The following HHLA2 variants were observed in gnomAD, a reference collection of about 807,000 sequenced individuals.
HHLA2 encodes HHLA2 member of B7 family, also known as HERV-H LTR-associating protein 2.
Under a neutral mutation model 45.9 loss-of-function variants are expected in HHLA2, and 48 were observed. The ratio of observed to expected loss-of-function variants is 1.05; its 90% CI spans 0.83 to 1.33. HHLA2 has a LOEUF of 1.33. Ranked by LOEUF, HHLA2 falls within the 40% of genes most tolerant of loss-of-function variation. HHLA2 has a pLI of 0.00. For missense variants in HHLA2, 462 were observed against 494.3 expected (o/e 0.93, Z 0.62); for synonymous variants, 161 against 173.9 (o/e 0.93, Z 0.59).
At chr3:108,369,389 C>T (rs138113641) in intron 8 of HHLA2, among the ~76,000 whole-genome samples, 76 of 152,252 alleles carry the variant, frequency 5.0e-4, no homozygotes, top group African/African-American at 1.7e-3. Context: ...GCGTGAGCGA[C>T]GCAGAAGACG....
Position 108,362,463 on chromosome 3 carries a change from G to A in HHLA2, c.1108+17G>A. The A allele has an allele frequency of 6.5e-7, 1 of 1,538,336 alleles. No homozygotes were observed. Among genetic ancestry groups the A allele is most frequent in the African/African-American group, 1.4e-5 (1 of 73,634 alleles). ...GTTGCAGAGGTAATAGAAGAATTTG[G>A]GCTCTGCCCCACGTGTTCCACATCA... is the stretch of plus-strand genomic sequence containing the variant. On this transcript the variant is annotated intron_variant, in intron 8 of 10. Transcript: ENST00000619531.
chr3:108,351,701 C>A, intron 3 of HHLA2, 87 bp from the exon 3 acceptor site: 1 of 749,992 alleles, frequency 1.3e-6, no homozygotes, highest in Non-Finnish European at 2.2e-6. Flanking sequence ...GGCCACAAAA[C>A]AATTATTTGT....
At chr3:108,318,180 C>CA (rs55796552) in intron 2 of HHLA2, among the ~76,000 whole-genome samples, 6,210 of 122,306 alleles carry the variant, frequency 0.051, 282 homozygotes, top group African/African-American at 0.13. Context: ...GACTCCATCT[C>CA]AAAAAAAAAA....
chr3:108,340,618 T>C (rs2081548048), intron 3 of HHLA2, among the ~76,000 whole-genome samples: 1 of 152,202 alleles, frequency 6.6e-6, no homozygotes, highest in African/African-American at 2.4e-5. Context: ...TGAAAGTCTA[T>C]ATACCAAATT....
chr3:108,328,149 T>C, intron 2 of HHLA2: 1 of 504,712 alleles, frequency 2.0e-6, no homozygotes, highest in Non-Finnish European at 3.4e-6. Flanking sequence ...AAAAAAAAAG[T>C]TGTAGAAGTA....
Position 108,304,694 on chromosome 3 carries a change from A to C in HHLA2, c.-191-5961A>C, listed in dbSNP as rs148568342. 6.6e-5 allele frequency among the ~76,000 whole-genome samples: 10 copies of C among 152,356 alleles called. No homozygotes were observed. In the East Asian group the frequency reaches 1.9e-3, roughly 29 times the overall value. On this transcript the variant is annotated intron_variant, in intron 1 of 10. Transcript: ENST00000619531. ...ACACACCACAAATCTACTGTGTCTGAGAGTGGGCTTCACCTCCCTACTAAT... is the reference window on the plus strand; with the variant it reads ...ACACACCACAAATCTACTGTGTCTGCGAGTGGGCTTCACCTCCCTACTAAT...
At chr3:108,321,324 G>GTATGGGAAAAA (rs1360486694) in intron 2 of HHLA2, among the ~76,000 whole-genome samples, 2 of 152,070 alleles carry the variant, frequency 1.3e-5, no homozygotes, top group Non-Finnish European at 2.9e-5. Context: ...TTTTGGTGGA[G>GTATGGGAAAAA]CACATTTTCC....
At chr3:108,332,857 C>T (rs1004396970) in intron 3 of HHLA2, among the ~76,000 whole-genome samples, 3 of 152,068 alleles carry the variant, frequency 2.0e-5, no homozygotes, top group African/African-American at 7.2e-5. Flanking sequence ...TGTGAGCAAC[C>T]TTAGAATCCT....
At chr3:108,347,669 C>T (rs11720532) in intron 3 of HHLA2, among the ~76,000 whole-genome samples, 28,360 of 152,018 alleles carry the variant, frequency 0.19, 3,115 homozygotes, top group Non-Finnish European at 0.25. Context: ...GGTAACCAGC[C>T]GAATGCGTAT....
chr3:108,324,522 C>T (rs1365131708), intron 2 of HHLA2, among the ~76,000 whole-genome samples: 1 of 152,182 alleles, frequency 6.6e-6, no homozygotes, highest in South Asian at 2.1e-4. Context: ...GGCAATCAAG[C>T]ACTCCTAGGC....
In HHLA2 at chr3:108,316,472, G is replaced by A. The variant is rs545503343; in HGVS notation, c.-105+5731G>A. On this transcript the variant is annotated intron_variant, in intron 2 of 10. Transcript: ENST00000619531. ...AATTTGCTTAAATGTCTCTGGCTTAGAATCCTTCCTTGACTCCCCAGTCTA... is the reference window on the plus strand; with the variant it reads ...AATTTGCTTAAATGTCTCTGGCTTAAAATCCTTCCTTGACTCCCCAGTCTA... Among the ~76,000 whole-genome samples, 4 of 152,296 alleles carry A rather than the reference G, an allele frequency of 2.6e-5. No homozygotes were observed. In the South Asian group the frequency reaches 8.3e-4, roughly 32 times the overall value.
intron 2 of HHLA2, among the ~76,000 whole-genome samples, chr3:108,313,532 A>G (rs1325430791): frequency 6.6e-6 from 1 of 152,118 alleles, no homozygotes; most frequent in African/African-American, 2.4e-5. Flanking sequence ...GGGGGTGCTG[A>G]GAGGATTCCT....
exon 5 of HHLA2, chr3:108,353,529 G>T: frequency 6.2e-7 from 1 of 1,612,934 alleles, no homozygotes; most frequent in Non-Finnish European, 8.5e-7. Context: ...TTTGAGAGGG[G>T]ATCCGAAGTC....
chr3:108,310,326 A>G (rs1022473936), intron 1 of HHLA2, among the ~76,000 whole-genome samples: 5 of 152,192 alleles, frequency 3.3e-5, no homozygotes, highest in Admixed American at 1.3e-4. Flanking sequence ...TTCAGGGGAA[A>G]CATACCCAAA....
chr3:108,316,071 T>G (rs924089724), intron 2 of HHLA2, among the ~76,000 whole-genome samples: 1 of 150,222 alleles, frequency 6.7e-6, no homozygotes, highest in Non-Finnish European at 1.5e-5. Context: ...TTAGAACAGC[T>G]TATGACAAAC....
chr3:108,296,679 T>G (rs1012191993), intron 1 of HHLA2, 80 bp downstream of exon 1: 4 of 152,240 alleles, frequency 2.6e-5, no homozygotes, highest in Non-Finnish European at 5.9e-5. Context: ...GGTTTTTAGT[T>G]GACACTTTAT....
At chr3:108,321,506 G>A (rs2081201885) in intron 2 of HHLA2, among the ~76,000 whole-genome samples, 1 of 152,142 alleles carries the variant, frequency 6.6e-6, no homozygotes, top group South Asian at 2.1e-4. Context: ...TTGCTGGCAA[G>A]TCATGCTGTT....
chr3:108,331,213 T>C (rs1005663711), intron 3 of HHLA2, among the ~76,000 whole-genome samples: 4 of 152,198 alleles, frequency 2.6e-5, no homozygotes, highest in Admixed American at 6.5e-5. Context: ...AAATGCAGGC[T>C]CCTAGGTCTC....
intron 2 of HHLA2, among the ~76,000 whole-genome samples, chr3:108,312,525 C>T (rs1026127601): frequency 6.6e-5 from 10 of 151,904 alleles, no homozygotes; most frequent in African/African-American, 1.9e-4. Context: ...CAGAGATTTA[C>T]CTTTGCCCAG....
Sources: gnomAD v4.1 joint callset for allele counts (sites outside exome capture counted in the v4.1 genomes callset) on GRCh38, gnomAD v4.1.1 for gene constraint, MANE v1.5 for transcripts, NCBI Gene and HGNC (gene_info 2026-07-23, HGNC 2026-07-21) for gene names.